The following ABCG5 variants were observed in gnomAD, a reference collection of about 807,000 sequenced individuals.
ABCG5 encodes the protein ATP binding cassette subfamily G member 5.
ABCG5 carries 64 observed loss-of-function variants against 64.5 expected under a neutral mutation model. The observed-to-expected ratio is 0.99, with a 90% CI of 0.81 to 1.22. The LOEUF (loss-of-function observed/expected upper bound fraction) is 1.22. ABCG5 is among the 50% of genes most tolerant of loss of function. The pLI, the probability that ABCG5 is intolerant of heterozygous loss-of-function variation, is 0.00. For missense variants in ABCG5, 908 were observed against 829.5 expected (o/e 1.09, Z -1.16); for synonymous variants, 385 against 326.3 (o/e 1.18, Z -1.94).
downstream of ABCG5, among the ~76,000 whole-genome samples, chr2:43,810,753 A>G (rs183064172): frequency 2.6e-5 from 4 of 152,308 alleles, no homozygotes; most frequent in African/African-American, 4.8e-5. Context: ...CATGTTTCCA[A>G]GGAACCTCAG....
intron 11 of ABCG5, 30 bp downstream of exon 11, chr2:43,819,885 A>G (rs932122668): frequency 1.2e-6 from 2 of 1,611,500 alleles, no homozygotes; most frequent in African/African-American, 1.3e-5. Flanking sequence ...GATTATCCCA[A>G]TCTAAATTTT....
chr2:43,820,157 A>ACTGCACT, intron 10 of ABCG5, 57 bp from the exon 11 acceptor site: 1 of 1,552,922 alleles, frequency 6.4e-7, no homozygotes, highest in East Asian at 2.4e-5. Flanking sequence ...TAAGAAAAAT[A>ACTGCACT]CTGCACTTGC....
rs1668405069 is a variant in ABCG5, at chr2:43,838,211, A to C, written c.144-256T>G. ...TTGGCTGCGAGGTGGCTGTCCCTGC[A>C]TTCTTTCACCAGGTTTCAAGACTCC... On this transcript the variant is annotated intron_variant, in intron 1 of 12. Transcript: ENST00000405322. This position sits in a 1 kb window ranked among gnomAD's most constrained non-coding sequence, Gnocchi z 4.2. The C allele has an allele frequency of 5.0e-6, 3 of 596,998 alleles. No homozygotes were observed. The South Asian group carries it at 5.9e-5, about 12-fold the overall frequency. 37.0% of individuals were successfully genotyped at this position (596,998 alleles called of 1,614,324 possible).
In ABCG5 at chr2:43,838,810, A is replaced by G. The variant is rs115642007; in HGVS notation, c.-131T>C. On this transcript the variant is annotated 5_prime_UTR_variant, in exon 1 of 13. Transcript: ENST00000405322. The surrounding 1 kb of genome is among the most constrained non-coding windows in gnomAD (Gnocchi z 4.2). Reference sequence around the variant, plus strand: ...CCCCGGAGTCCCTTGGGACAGCAGGACTGGGACTTGGCCACGGAGACCATT... The same window carrying G: ...CCCCGGAGTCCCTTGGGACAGCAGGGCTGGGACTTGGCCACGGAGACCATT... 89 of 1,518,914 alleles carry G rather than the reference A, an allele frequency of 5.9e-5. No individual in the cohort carries two copies. In the African/African-American group the frequency reaches 1.1e-3, roughly 18 times the overall value. The allele number at this position is 1,518,914 out of a possible 1,614,324, so 94.1% of individuals were successfully genotyped here. A position where few individuals can be genotyped will look rare whatever the true frequency, so the allele number is the denominator to read the frequency against.
chr2:43,837,757 TACA>T, intron 2 of ABCG5, 74 bp downstream of exon 2: 1 of 1,598,284 alleles, frequency 6.3e-7, no homozygotes, highest in Non-Finnish European at 8.6e-7. Flanking sequence ...GCTTTCTTGT[TACA>T]ACTTAATCTG....
intron 10 of ABCG5, 179 bp downstream of exon 10, chr2:43,822,618 T>C: frequency 2.0e-6 from 2 of 985,024 alleles, no homozygotes; most frequent in Non-Finnish European, 2.4e-6. Flanking sequence ...CAACCCACAG[T>C]TGGGCTATTT....
chr2:43,823,789 C>G (rs1381429485), intron 9 of ABCG5, 124 bp downstream of exon 9: 2 of 1,134,602 alleles, frequency 1.8e-6, no homozygotes, highest in East Asian at 5.2e-5. Flanking sequence ...AGAGAGGGAA[C>G]CTGGAGAGGG....
chr2:43,816,709 A>C (rs1666856178), intron 11 of ABCG5, among the ~76,000 whole-genome samples: 1 of 152,158 alleles, frequency 6.6e-6, no homozygotes, highest in African/African-American at 2.4e-5. Flanking sequence ...ACACCCACCT[A>C]ATTCATATTA....
In ABCG5 at chr2:43,817,551, A is replaced by G. The variant is rs142632066; in HGVS notation, c.1649+2364T>C. On this transcript the variant is annotated intron_variant, in intron 11 of 12. Coordinates refer to ENST00000405322, the MANE Select transcript of ABCG5 (RefSeq NM_022436.3). ...CTCCTTTTCCTAAAACCCTAATACA[A>G]ATGCTTCTTATGATGGGGTTACTTC... 3.1e-3 allele frequency among the ~76,000 whole-genome samples: 467 copies of G among 152,084 alleles called. 2 individuals are homozygous for G. Among genetic ancestry groups the G allele is most frequent in the African/African-American group, 0.011 (443 of 41,478 alleles).
chr2:43,820,578 C>T (rs1667126583), intron 10 of ABCG5, among the ~76,000 whole-genome samples: 1 of 152,170 alleles, frequency 6.6e-6, no homozygotes, highest in African/African-American at 2.4e-5. Context: ...CTTTTGTCCT[C>T]GATCAGGTTA....
At chr2:43,825,732 G>A (rs113437393) in intron 6 of ABCG5, among the ~76,000 whole-genome samples, 95 of 151,256 alleles carry the variant, frequency 6.3e-4, no homozygotes, top group African/African-American at 2.3e-3. Context: ...TCAGCTTCCC[G>A]AATAGCTGGG....
upstream of ABCG5, chr2:43,838,871 G>T: frequency 8.2e-7 from 1 of 1,220,290 alleles, no homozygotes; most frequent in Non-Finnish European, 1.2e-6. The surrounding 1 kb of genome is among the most constrained non-coding windows in gnomAD (Gnocchi z 4.2). Context: ...TCCTTATCTT[G>T]ACAGTGGGCA....
chr2:43,807,743 C>CAAAAAAAAAA (rs536977133), downstream of ABCG5, among the ~76,000 whole-genome samples: 1 of 41,618 alleles, frequency 2.4e-5, no homozygotes, highest in Non-Finnish European at 4.7e-5. Context: ...TTTGTTAAAG[C>CAAAAAAAAAA]AAAAAAAAAA....
rs1422884889 is a variant in ABCG5 at position 43,838,460 on chromosome 2, T to C, written c.143+77A>G. 4.2e-6 allele frequency: 6 copies of C among 1,424,116 alleles called. No homozygotes were observed. Among genetic ancestry groups the C allele is most frequent in the Non-Finnish European group, 5.8e-6 (6 of 1,037,382 alleles). 88.2% of individuals were successfully genotyped at this position (1,424,116 alleles called of 1,614,324 possible). A position where few individuals can be genotyped will look rare whatever the true frequency, so the allele number is the denominator to read the frequency against. On this transcript the variant is annotated intron_variant, in intron 1 of 12. Transcript: ENST00000405322. This position sits in a 1 kb window ranked among gnomAD's most constrained non-coding sequence, Gnocchi z 4.2. ...AGTGCCCAGACTGGCACTTAAAGAG[T>C]GAAGAAAGGCAGCAGAGGGGTGAGC...
chr2:43,824,509 G>A, intron 7 of ABCG5, 77 bp from the exon 8 acceptor site: 2 of 1,598,424 alleles, frequency 1.3e-6, no homozygotes, highest in Non-Finnish European at 1.7e-6. Context: ...ATTGGTACAG[G>A]AGTACTGGCC....
chr2:43,822,692 T>A, intron 10 of ABCG5, 105 bp downstream of exon 10: 2 of 1,579,750 alleles, frequency 1.3e-6, no homozygotes, highest in Non-Finnish European at 1.7e-6. Context: ...AAAGTGTAGA[T>A]CCTCCAGAGC....
chr2:43,837,706 A>G, intron 2 of ABCG5, 128 bp downstream of exon 2: 1 of 1,276,236 alleles, frequency 7.8e-7, no homozygotes, highest in Non-Finnish European at 1.1e-6. Flanking sequence ...TTCCATTCAC[A>G]GTCAGATATC....
chr2:43,821,914 C>T (rs1454750182), intron 10 of ABCG5, among the ~76,000 whole-genome samples: 1 of 151,902 alleles, frequency 6.6e-6, no homozygotes, highest in East Asian at 1.9e-4. Flanking sequence ...AAAGTGTGAC[C>T]CTAGCTGCTT....
chr2:43,813,237 G>T lies in ABCG5; in HGVS notation c.1835C>A (p.Thr612Asn). Residue 612 changes from threonine to asparagine, a missense_variant, in exon 13 of 13, where the codon ACC becomes AAC. Thr to Asn is a moderately conservative substitution (Grantham distance 65). Coordinates refer to ENST00000405322, the MANE Select transcript of ABCG5 (RefSeq NM_022436.3). The stretch of plus-strand genomic sequence containing the variant: ...GAATCTAGATGTTGCACCTGGGCAG[G>T]TTTTCTCAATGAATTGAATTCCTTG... ...FTQGIQFIEK[T>N]CPGATSRFTM... 19 of 1,613,882 alleles carry T rather than the reference G, an allele frequency of 1.2e-5. No individual in the cohort carries two copies. Among genetic ancestry groups the T allele is most frequent in the Non-Finnish European group, 1.6e-5 (19 of 1,179,834 alleles).
Sources: allele counts gnomAD v4.1 joint callset (sites outside exome capture counted in the v4.1 genomes callset), GRCh38; gene constraint gnomAD v4.1.1; non-coding constraint Gnocchi (gnomAD v3.1); transcripts MANE v1.5; gene names NCBI Gene and HGNC (gene_info 2026-07-23, HGNC 2026-07-21).